CYFIP1: variants seen among roughly 807,000 people sequenced by gnomAD.
The protein encoded by CYFIP1 is cytoplasmic FMR1 interacting protein 1.
In CYFIP1, 58 loss-of-function variants were observed where a neutral mutation model predicts 163.5. That is an observed-to-expected ratio of 0.35 (90% confidence interval 0.29 to 0.44). The LOEUF is 0.44. Ranked by LOEUF, CYFIP1 falls within the 20% of genes least tolerant of loss-of-function variation. The pLI is 1.00. For synonymous variants in CYFIP1, 663 were observed against 660.7 expected, an observed-to-expected ratio of 1.00 and a Z score of -0.05; for missense variants, 1,338 against 1,653.8, an observed-to-expected ratio of 0.81 and a Z score of 3.31.
chr15:22,974,300 G>A (rs2063195042), intron 1 of CYFIP1, among the ~76,000 whole-genome samples: 1 of 152,170 alleles, frequency 6.6e-6, no homozygotes, highest in Admixed American at 6.5e-5. Context: ...GATGAGCAAG[G>A]CCGGGCCTGG....
In CYFIP1 at chr15:22,910,590, T is replaced by A; in HGVS notation, c.2198A>T (p.Asn733Ile). ...CGGGAGGTGGATCGTGGCTCCCTGA[T>A]TCTTGCATTCTGATCGTAACCGTTT... ...LDKRLRSECK[N>I]QGATIHLPPS... Residue 733 changes from asparagine to isoleucine, a missense_variant, in exon 20 of 31, where the codon AAT becomes ATT. Transcript: ENST00000617928. The A allele has an allele frequency of 6.2e-7, 1 of 1,614,196 alleles. No homozygotes were observed. The highest frequency in any genetic ancestry group is 1.3e-5 in the African/African-American group (1 of 75,062).
chr15:22,900,981 TC>T (rs2060377151), intron 22 of CYFIP1, among the ~76,000 whole-genome samples: 1 of 151,720 alleles, frequency 6.6e-6, no homozygotes, highest in South Asian at 2.1e-4. Flanking sequence ...GGCGGGCAGA[TC>T]ATCTCAGGTC....
intron 6 of CYFIP1, among the ~76,000 whole-genome samples, chr15:22,941,809 GA>G (rs899172914): frequency 6.8e-6 from 1 of 146,176 alleles, no homozygotes; most frequent in East Asian, 2.0e-4. Flanking sequence ...GTGCTAAAAG[GA>G]AAAAAAAAAC....
intron 21 of CYFIP1, chr15:22,905,240 G>A (rs186401699): frequency 2.2e-4 from 33 of 152,178 alleles, no homozygotes; most frequent in Admixed American, 9.8e-4. Context: ...AGCTTGGGTC[G>A]GTTTTACCAA....
intron 1 of CYFIP1, among the ~76,000 whole-genome samples, chr15:22,976,380 A>T (rs1055932593): frequency 3.3e-5 from 5 of 151,912 alleles, no homozygotes; most frequent in Non-Finnish European, 5.9e-5. Context: ...CTGGTCTCGA[A>T]CTCCTGCCCT....
chr15:22,914,728 C>T lies in CYFIP1; in HGVS notation c.1983G>A (p.Met661Ile). The T allele has an allele frequency of 6.2e-7, 1 of 1,610,624 alleles. No homozygotes were observed. The highest frequency in any genetic ancestry group is 1.3e-5 in the African/African-American group (1 of 74,886). Residue 661 changes from methionine to isoleucine, a missense_variant and splice_region_variant, in exon 17 of 31, where the codon ATG (methionine) becomes ATA (isoleucine). Met to Ile is a conservative substitution (Grantham distance 10, BLOSUM62 1). Transcript: ENST00000617928. ...HILETKEASM[M>I]EYVLYSLDLY... ...AGACAGGCCCGCAGGACACGCACTC[C>T]ATCATCGATGCCTCCTTGGTCTCCA...
Position 22,869,932 on chromosome 15 carries a change from T to TGATACTGAA in CYFIP1, c.*95_*96insTTCAGTATC. On this transcript the variant is annotated 3_prime_UTR_variant, in exon 31 of 31. Transcript: ENST00000617928. ...ATCGAAAAGCACCCCCTTTAACAGG[T>TGATACTGAA]ACAGAGATACTGAAAAATAGTCCCT... The TGATACTGAA allele has an allele frequency of 8.3e-7, 1 of 1,206,604 alleles. No homozygotes were observed. The highest frequency in any genetic ancestry group is 1.1e-6 in the Non-Finnish European group (1 of 904,058). The allele number at this position is 1,206,604 out of a possible 1,614,324, so 74.7% of individuals were successfully genotyped here. A position where few individuals can be genotyped will look rare whatever the true frequency, so the allele number is the denominator to read the frequency against.
At chr15:22,980,065 C>G (rs2063425243) in intron 1 of CYFIP1, among the ~76,000 whole-genome samples, 1 of 150,320 alleles carries the variant, frequency 6.7e-6, no homozygotes, top group African/African-American at 2.4e-5. Flanking sequence ...AGTGCGGGGA[C>G]CTGGAGCCCG....
intron 24 of CYFIP1, 145 bp downstream of exon 24, chr15:22,882,723 A>G (rs12913456): frequency 4.6e-6 from 4 of 868,226 alleles, no homozygotes; most frequent in Non-Finnish European, 7.0e-6. Flanking sequence ...GGAAGTATCA[A>G]ACTATATATG....
rs189070691 is a variant in CYFIP1, at chr15:22,875,275, G to C, written c.3043-4C>G. ...GGTCACACACTTCTTCTAAAGACTA[G>C]AGCAGAGAAAGAGAGGGTCAAGCTA... On this transcript the variant is annotated splice_polypyrimidine_tract_variant and splice_region_variant and intron_variant, in intron 26 of 30. Coordinates refer to ENST00000617928, the MANE Select transcript of CYFIP1 (RefSeq NM_014608.6). The C allele has an allele frequency of 1.7e-3, 2,805 of 1,613,876 alleles. 9 individuals carry two copies. The highest frequency in any genetic ancestry group is 1.9e-3 in the Non-Finnish European group (2,210 of 1,179,788).
At chr15:22,977,177 C>T (rs1740893842) in intron 1 of CYFIP1, among the ~76,000 whole-genome samples, 1 of 151,016 alleles carries the variant, frequency 6.6e-6, no homozygotes, top group African/African-American at 2.4e-5. Flanking sequence ...CTAGCCTGGG[C>T]AACAAGAATG....
At chr15:22,882,784 C>T (rs2059803908) in intron 24 of CYFIP1, 84 bp downstream of exon 24, 1 of 1,479,284 alleles carries the variant, frequency 6.8e-7, no homozygotes, top group South Asian at 1.3e-5. Context: ...TGGAGAATCA[C>T]AGTCCAGGCA....
At chr15:22,970,886 C>G (rs887006330) in intron 1 of CYFIP1, among the ~76,000 whole-genome samples, 1 of 151,888 alleles carries the variant, frequency 6.6e-6, no homozygotes, top group African/African-American at 2.4e-5. Flanking sequence ...ACCATCCTGG[C>G]TAACACGGTG....
intron 21 of CYFIP1, 117 bp downstream of exon 21, chr15:22,909,077 C>T: frequency 1.6e-6 from 2 of 1,281,198 alleles, no homozygotes; most frequent in East Asian, 2.3e-5. Flanking sequence ...CTTTTATTAT[C>T]TATACAAGAG....
At chr15:22,931,685 T>TAAAAAAAAAAAA (rs2061538850) in intron 11 of CYFIP1, among the ~76,000 whole-genome samples, 3 of 30,696 alleles carry the variant, frequency 9.8e-5, no homozygotes, top group East Asian at 5.2e-3. Flanking sequence ...AATGTTTTTC[T>TAAAAAAAAAAAA]GAAAAAAAAA....
intron 22 of CYFIP1, among the ~76,000 whole-genome samples, chr15:22,902,533 TTGTG>T (rs2060429610): frequency 1.3e-5 from 2 of 152,258 alleles, no homozygotes; most frequent in South Asian, 4.1e-4. Flanking sequence ...GATATATTAC[TTGTG>T]TAAGAATATT....
chr15:22,973,619 G>A (rs565856456), intron 1 of CYFIP1, among the ~76,000 whole-genome samples: 66 of 152,248 alleles, frequency 4.3e-4, no homozygotes, highest in Admixed American at 1.4e-3. Flanking sequence ...ACATGTGAGT[G>A]AGATCGTGCA....
chr15:22,910,248 C>A lies in CYFIP1; in HGVS notation c.2268+272G>T, dbSNP rs558044889. Among the ~76,000 whole-genome samples, 49 of 152,276 alleles carry A rather than the reference C, an allele frequency of 3.2e-4. 3 individuals are homozygous for A. The South Asian group carries it at 8.9e-3, about 28-fold the overall frequency. On this transcript the variant is annotated intron_variant, in intron 20 of 30. Transcript: ENST00000617928. ...CAATCTCAGCTCACTGCAAGCTCCA[C>A]TTCCCAGGTTCAGGCGATTCTCTTG...
chr15:22,932,089 G>A, intron 11 of CYFIP1, 134 bp downstream of exon 11: 1 of 638,394 alleles, frequency 1.6e-6, no homozygotes, highest in Non-Finnish European at 2.7e-6. Flanking sequence ...GTCAGAACCT[G>A]TCCCTGTCAT....
Sources: allele counts gnomAD v4.1 joint callset (sites outside exome capture counted in the v4.1 genomes callset), GRCh38; gene constraint gnomAD v4.1.1; transcripts MANE v1.5; gene names NCBI Gene and HGNC (gene_info 2026-07-23, HGNC 2026-07-21).